COL4A3: variants seen among roughly 807,000 people sequenced by gnomAD.
COL4A3 encodes the protein collagen alpha-3(IV) chain.
Under a neutral mutation model 217.4 loss-of-function variants are expected in COL4A3, and 135 were observed. The observed-to-expected ratio is 0.62, with a 90% CI of 0.54 to 0.72. The LOEUF (loss-of-function observed/expected upper bound fraction) is 0.72. Among genes scored for constraint, COL4A3 ranks in the 30% least tolerant of loss-of-function variants. The probability of loss-of-function intolerance (pLI) is 0.00; values close to 1 mark genes in which losing one functional copy is unlikely to be tolerated. For synonymous variants in COL4A3, 690 were observed against 736.3 expected, an observed-to-expected ratio of 0.94 and a Z score of 1.02; for missense variants, 1,868 against 2,119.9, an observed-to-expected ratio of 0.88 and a Z score of 2.33.
chr2:227,268,884 C>T (rs1336919403), intron 23 of COL4A3: 2 of 152,154 alleles, frequency 1.3e-5, no homozygotes, highest in Middle Eastern at 3.2e-3. Context: ...CTCTTTGGCT[C>T]AAGGGGAGCA....
At chr2:227,178,529 T>C (rs983059784) in intron 1 of COL4A3, among the ~76,000 whole-genome samples, 2 of 144,304 alleles carry the variant, frequency 1.4e-5, no homozygotes, top group Non-Finnish European at 3.1e-5. Context: ...TGAGGTAATG[T>C]CATTATTTTA....
At chr2:227,267,731 T>A (rs1435865775) in intron 23 of COL4A3, among the ~76,000 whole-genome samples, 2 of 152,130 alleles carry the variant, frequency 1.3e-5, no homozygotes, top group African/African-American at 2.4e-5. Context: ...TTGGAATTTT[T>A]ATTTAAAATC....
intron 19 of COL4A3, among the ~76,000 whole-genome samples, chr2:227,260,543 T>C (rs547170041): frequency 7.7e-6 from 1 of 130,660 alleles, no homozygotes; most frequent in Admixed American, 7.8e-5. Context: ...ATTATTGCTA[T>C]GAAGAAGATT....
rs563714442 is a variant in COL4A3 at position 227,303,287 on chromosome 2, T to A, written c.3955+177T>A. Among the ~76,000 whole-genome samples the A allele has an allele frequency of 1.2e-4, 18 of 152,298 alleles. No homozygotes were observed. In the South Asian group the frequency reaches 1.2e-3, roughly 11 times the overall value. On this transcript the variant is annotated intron_variant, in intron 44 of 51. Transcript: ENST00000396578. ...TTCAAGATTCTTTGAAATAGAGTAT[T>A]TCTTCAGATCAATGGCTCTCGGTAA...
rs1242816641 is a variant in COL4A3, at chr2:227,252,118, TA to T, written c.645+752del. Among the ~76,000 whole-genome samples, 18 of 147,898 alleles carry T rather than the reference TA, an allele frequency of 1.2e-4. No homozygotes were observed. The East Asian group carries it at 3.5e-3, about 29-fold the overall frequency. On this transcript the variant is annotated intron_variant, in intron 11 of 51. Transcript: ENST00000396578. ...AGAAGTGCAATTGTTAGTTTAACTA[TA>T]AAAATGTTGAGTGAGGCTGAGCCCC...
chr2:227,245,604 A>C (rs2069288468), intron 5 of COL4A3: 4 of 367,398 alleles, frequency 1.1e-5, no homozygotes, highest in Non-Finnish European at 2.1e-5. Flanking sequence ...GATTGTATTT[A>C]ATAGCACAGA....
At chr2:227,207,586 C>G (rs1407636597) in intron 1 of COL4A3, among the ~76,000 whole-genome samples, 1 of 152,066 alleles carries the variant, frequency 6.6e-6, no homozygotes, top group African/African-American at 2.4e-5. Context: ...AAAGCAGGTG[C>G]TTTAAAGGGC....
chr2:227,293,002 T>C (rs901975093), intron 37 of COL4A3, among the ~76,000 whole-genome samples, 189 bp from the exon 38 acceptor site: 1 of 152,212 alleles, frequency 6.6e-6, no homozygotes, highest in Non-Finnish European at 1.5e-5. Context: ...AACTGCATTT[T>C]CATTTTGCAC....
At chr2:227,310,289 GAC>G (rs1483107814) in intron 50 of COL4A3, among the ~76,000 whole-genome samples, 1 of 152,128 alleles carries the variant, frequency 6.6e-6, no homozygotes, top group Non-Finnish European at 1.5e-5. Flanking sequence ...TGTCTCTTGA[GAC>G]AGAATCTCCC....
In COL4A3 at chr2:227,203,258, T is replaced by C. The variant is rs796360913; in HGVS notation, c.88-34710T>C. ...GTGTATATATACATATATGTATATA[T>C]ACATATATGTGTATATATGTGTATA... is the stretch of plus-strand genomic sequence containing the variant. On this transcript the variant is annotated intron_variant, in intron 1 of 51. Transcript: ENST00000396578. 1.2e-4 allele frequency among the ~76,000 whole-genome samples: 7 copies of C among 59,576 alleles called. 1 individual carries two copies. Among genetic ancestry groups the C allele is most frequent in the Non-Finnish European group, 2.3e-4 (7 of 30,400 alleles). The allele number at this position is 59,576 out of a possible 152,430, so 39.1% of individuals were successfully genotyped here.
chr2:227,294,526 G>A lies in COL4A3; in HGVS notation c.3374G>A (p.Gly1125Glu). The A allele has an allele frequency of 6.2e-7, 1 of 1,613,808 alleles. No homozygotes were observed. Among genetic ancestry groups the A allele is most frequent in the East Asian group, 2.2e-5 (1 of 44,876 alleles). ...CCTCATGGTGATTTGGGTTTTAAAG[G>A]AATCAAAGGCCTCCTGGGCCCTCCA... ...PGPHGDLGFKGIKGLLGPPGI... is the reference protein window; with the variant it reads ...PGPHGDLGFKEIKGLLGPPGI... Residue 1125 changes from glycine to glutamate, a missense_variant, in exon 39 of 52, where the codon GGA becomes GAA. Gly to Glu is a moderately conservative substitution (Grantham distance 98). Transcript: ENST00000396578.
rs62279163 is a variant in COL4A3 at position 227,303,383 on chromosome 2, C to A, written c.3955+273C>A. On this transcript the variant is annotated intron_variant, in intron 44 of 51. Coordinates refer to ENST00000396578, the MANE Select transcript of COL4A3 (RefSeq NM_000091.5). ...ACCACTTTATTAGTTCACATCAAAG[C>A]AAATATTCTCTATGTGCTGAAAAGA... Among the ~76,000 whole-genome samples, 47,631 of 151,970 alleles carry A rather than the reference C, an allele frequency of 0.31. 7,781 individuals are homozygous for A. Among genetic ancestry groups the A allele is most frequent in the Admixed American group, 0.4 (6,034 of 15,262 alleles).
At chr2:227,266,383 A>AT in intron 21 of COL4A3, 34 bp from the exon 22 acceptor site, 1 of 1,516,342 alleles carries the variant, frequency 6.6e-7, no homozygotes, top group Non-Finnish European at 9.2e-7. Context: ...AAAAACACAA[A>AT]TAAAAAATTG....
intron 8 of COL4A3, 147 bp downstream of exon 8, chr2:227,247,731 G>A: frequency 1.1e-6 from 1 of 880,708 alleles, no homozygotes; most frequent in African/African-American, 1.7e-5. Flanking sequence ...ATCGGGACAT[G>A]ATATTTATTC....
chr2:227,277,911 ACT>A (rs948189565), intron 28 of COL4A3, among the ~76,000 whole-genome samples: 6 of 82,752 alleles, frequency 7.3e-5, no homozygotes, highest in Admixed American at 2.7e-4. Flanking sequence ...GAGGCACAAG[ACT>A]CTGTCTCAAA....
At chr2:227,249,920 T>C (rs1304360717) in intron 9 of COL4A3, among the ~76,000 whole-genome samples, 2 of 152,246 alleles carry the variant, frequency 1.3e-5, no homozygotes, top group East Asian at 3.8e-4. Flanking sequence ...GATATAATGA[T>C]GGTACATTTG....
At chr2:227,233,956 G>GT (rs1351827607) in intron 1 of COL4A3, among the ~76,000 whole-genome samples, 1 of 152,152 alleles carries the variant, frequency 6.6e-6, no homozygotes, top group African/African-American at 2.4e-5. Context: ...AAATCAAACA[G>GT]TTTTTCATTT....
chr2:227,236,992 ATTTC>A (rs1167797675), intron 1 of COL4A3, among the ~76,000 whole-genome samples: 21 of 152,144 alleles, frequency 1.4e-4, no homozygotes, highest in African/African-American at 5.1e-4. Context: ...ATTTGAAACT[ATTTC>A]TTTATTTGTT....
chr2:227,255,905 C>T, intron 15 of COL4A3, 121 bp from the exon 16 acceptor site: 1 of 967,590 alleles, frequency 1.0e-6, no homozygotes, highest in Non-Finnish European at 1.6e-6. Flanking sequence ...GGGTGAAGAT[C>T]TTTACTCAGG....
Sources: allele counts gnomAD v4.1 joint callset (sites outside exome capture counted in the v4.1 genomes callset), GRCh38; gene constraint gnomAD v4.1.1; transcripts MANE v1.5; gene names NCBI Gene and HGNC (gene_info 2026-07-23, HGNC 2026-07-21).